Variants in SMAD3 observed in about 807,000 individuals in gnomAD.
The protein encoded by SMAD3 is SMAD family member 3.
A neutral mutation model predicts 51.8 loss-of-function variants in SMAD3; 12 were observed. The ratio of observed to expected loss-of-function variants is 0.23; its 90% CI spans 0.15 to 0.38. The LOEUF (loss-of-function observed/expected upper bound fraction) is 0.38. Among genes scored for constraint, SMAD3 ranks in the 10% least tolerant of loss-of-function variants. The pLI is 1.00. For synonymous variants in SMAD3, 238 were observed against 227.7 expected, an observed-to-expected ratio of 1.05 and a Z score of -0.41; for missense variants, 294 against 565.6, an observed-to-expected ratio of 0.52 and a Z score of 4.87.
At chr15:67,120,451 A>G (rs1961233396) in intron 1 of SMAD3, among the ~76,000 whole-genome samples, 1 of 152,204 alleles carries the variant, frequency 6.6e-6, no homozygotes. Flanking sequence ...TGGAGATGTA[A>G]GGCATGGCCT....
intron 1 of SMAD3, chr15:67,137,852 G>A: frequency 7.3e-6 from 4 of 549,308 alleles, no homozygotes; most frequent in Non-Finnish European, 6.6e-6. Context: ...TTTGAAACAA[G>A]CTTGCAAAGT....
intron 1 of SMAD3, among the ~76,000 whole-genome samples, chr15:67,076,572 C>G (rs191211334): frequency 6.6e-6 from 1 of 152,148 alleles, no homozygotes; most frequent in Non-Finnish European, 1.5e-5. Context: ...ATGACCCAGA[C>G]GTGGTGGCTA....
At chr15:67,077,283 G>A (rs1960191739) in intron 1 of SMAD3, among the ~76,000 whole-genome samples, 1 of 152,222 alleles carries the variant, frequency 6.6e-6, no homozygotes, top group Non-Finnish European at 1.5e-5. Context: ...CATCCGCTCA[G>A]TTGCGTGGCC....
chr15:67,184,695 C>T (rs772040097), intron 6 of SMAD3, 32 bp from the exon 7 acceptor site: 3 of 1,613,444 alleles, frequency 1.9e-6, no homozygotes, highest in Non-Finnish European at 2.5e-6. Flanking sequence ...TGAGCAAAGG[C>T]ACCCTGTCCA....
chr15:67,126,067 C>G lies in SMAD3; in HGVS notation c.207-38828C>G, dbSNP rs117471927. 2,060 of 617,308 alleles carry G rather than the reference C, an allele frequency of 3.3e-3. 2 individuals carry two copies. The highest frequency in any genetic ancestry group is 4.0e-3 in the Non-Finnish European group (1,982 of 493,966). The allele number at this position is 617,308 out of a possible 1,614,324, so 38.2% of individuals were successfully genotyped here. On this transcript the variant is annotated intron_variant, in intron 1 of 8. Coordinates refer to ENST00000327367, the MANE Select transcript of SMAD3 (RefSeq NM_005902.4). Reference sequence around the variant, plus strand: ...GCAGAAACTGTATGCTCGACACACACTCCCTGAGTCCTTAGGGAATTGCGT... The same window carrying G: ...GCAGAAACTGTATGCTCGACACACAGTCCCTGAGTCCTTAGGGAATTGCGT...
At chr15:67,167,829 G>A (rs920649717) in intron 4 of SMAD3, among the ~76,000 whole-genome samples, 1 of 152,212 alleles carries the variant, frequency 6.6e-6, no homozygotes, top group South Asian at 2.1e-4. Flanking sequence ...GAGAGGAGGA[G>A]AAGGGGAGAG....
chr15:67,077,287 C>T (rs951069426), intron 1 of SMAD3, among the ~76,000 whole-genome samples: 4 of 152,114 alleles, frequency 2.6e-5, no homozygotes, highest in Admixed American at 6.5e-5. Context: ...CGCTCAGTTG[C>T]GTGGCCACAA....
intron 1 of SMAD3, among the ~76,000 whole-genome samples, chr15:67,152,997 T>C (rs1962187136): frequency 6.6e-6 from 1 of 152,182 alleles, no homozygotes; most frequent in African/African-American, 2.4e-5. Context: ...TTTGTAGTCA[T>C]AGAGAACTGA....
At chr15:67,118,472 C>A (rs1346134294) in intron 1 of SMAD3, among the ~76,000 whole-genome samples, 1 of 152,160 alleles carries the variant, frequency 6.6e-6, no homozygotes, top group Admixed American at 6.5e-5. Context: ...AAGATCAGGA[C>A]TGGGGCCAGC....
At chr15:67,147,205 T>C (rs1309665844) in intron 1 of SMAD3, among the ~76,000 whole-genome samples, 1 of 152,094 alleles carries the variant, frequency 6.6e-6, no homozygotes, top group East Asian at 1.9e-4. Context: ...GCCCGGGAGA[T>C]GGGCCCAGGC....
chr15:67,114,211 T>G (rs1206943094), intron 1 of SMAD3, among the ~76,000 whole-genome samples: 3 of 152,218 alleles, frequency 2.0e-5, no homozygotes, highest in African/African-American at 4.8e-5. Context: ...TCCTCAGCGC[T>G]GGAGGGTCCT....
Position 67,185,678 on chromosome 15 carries a change from G to C in SMAD3, c.1009+814G>C, listed in dbSNP as rs531395077. On this transcript the variant is annotated intron_variant, in intron 7 of 8. Transcript: ENST00000327367. The stretch of plus-strand genomic sequence containing the variant: ...AAGAGGTGTCAGGCTGCACCCCCGA[G>C]AGTGGTTTGGACAGGGCCACGCCTG... Among the ~76,000 whole-genome samples, 77 of 152,350 alleles carry C rather than the reference G, an allele frequency of 5.1e-4. 3 individuals carry two copies. In the South Asian group the frequency reaches 0.015, roughly 30 times the overall value.
At chr15:67,072,149 A>G (rs1223700257) in intron 1 of SMAD3, among the ~76,000 whole-genome samples, 1 of 152,246 alleles carries the variant, frequency 6.6e-6, no homozygotes, top group Non-Finnish European at 1.5e-5. Flanking sequence ...TAAAAAATAA[A>G]TATTGGTTTA....
chr15:67,167,201 G>GT (rs1430702706), intron 4 of SMAD3, among the ~76,000 whole-genome samples: 2 of 152,212 alleles, frequency 1.3e-5, no homozygotes, highest in Admixed American at 1.3e-4. Flanking sequence ...TTGGTGATGT[G>GT]TAAGTGTTAG....
intron 1 of SMAD3, among the ~76,000 whole-genome samples, chr15:67,090,387 C>T (rs1960485209): frequency 6.6e-6 from 1 of 152,072 alleles, no homozygotes; most frequent in African/African-American, 2.4e-5. Context: ...GTGAAAGAGT[C>T]CCCTGCCACA....
chr15:67,175,348 G>A (rs1349843446), intron 5 of SMAD3, among the ~76,000 whole-genome samples: 2 of 152,134 alleles, frequency 1.3e-5, no homozygotes, highest in South Asian at 2.1e-4. Flanking sequence ...TGGAGTGAGA[G>A]GGATAGGGCA....
chr15:67,102,150 C>T lies in SMAD3; in HGVS notation c.206+35790C>T, dbSNP rs528228739. On this transcript the variant is annotated intron_variant, in intron 1 of 8. Transcript: ENST00000327367. ...GTGTTTTCATGGGTCACCTGGAAGGCGAGCTTGTTCAGAATGAGGATAATT... is the reference window on the plus strand; with the variant it reads ...GTGTTTTCATGGGTCACCTGGAAGGTGAGCTTGTTCAGAATGAGGATAATT... Among the ~76,000 whole-genome samples the T allele has an allele frequency of 4.5e-4, 68 of 152,074 alleles. 1 individual carries two copies. The Middle Eastern group carries it at 0.014, about 30-fold the overall frequency.
At chr15:67,142,363 C>T (rs1296610559) in intron 1 of SMAD3, among the ~76,000 whole-genome samples, 4 of 152,184 alleles carry the variant, frequency 2.6e-5, no homozygotes, top group Admixed American at 6.5e-5. Flanking sequence ...CACTCAACCC[C>T]GGGGCTTTGT....
At chr15:67,087,188 C>A (rs1960412460) in intron 1 of SMAD3, among the ~76,000 whole-genome samples, 1 of 152,134 alleles carries the variant, frequency 6.6e-6, no homozygotes, top group Non-Finnish European at 1.5e-5. Flanking sequence ...GCACCAGCCT[C>A]TTCTCCTTTC....
Sources: gnomAD v4.1 joint callset for allele counts (sites outside exome capture counted in the v4.1 genomes callset) on GRCh38, gnomAD v4.1.1 for gene constraint, MANE v1.5 for transcripts, NCBI Gene and HGNC (gene_info 2026-07-23, HGNC 2026-07-21) for gene names.